Variants in KCNA6 observed in about 807,000 individuals in gnomAD.
KCNA6 encodes the protein potassium voltage-gated channel subfamily A member 6.
Under a neutral mutation model 29.5 loss-of-function variants are expected in KCNA6, and 17 were observed. The ratio of observed to expected loss-of-function variants is 0.58; its 90% CI spans 0.39 to 0.86. KCNA6 has a LOEUF of 0.86. Among genes scored for constraint, KCNA6 ranks in the 40% least tolerant of loss-of-function variants. The pLI, the probability that KCNA6 is intolerant of heterozygous loss-of-function variation, is 0.00. For synonymous variants in KCNA6, 296 were observed against 304.7 expected, an observed-to-expected ratio of 0.97 and a Z score of 0.30; for missense variants, 450 against 703.4, an observed-to-expected ratio of 0.64 and a Z score of 4.07.
At chr12:4,821,343 C>T in the KCNA6 span, among the ~76,000 whole-genome samples, 1 of 152,180 alleles carries the variant, frequency 6.6e-6, no homozygotes, top group Non-Finnish European at 1.5e-5. Context: ...GGATCGCGTT[C>T]ACCCAGGAGA....
rs771451383 is a variant in KCNA6, at chr12:4,810,099, G to A, written c.58G>A (p.Gly20Arg). The A allele has an allele frequency of 3.8e-6, 6 of 1,571,982 alleles. No individual in the cohort carries two copies. In the African/African-American group the frequency reaches 6.7e-5, roughly 18 times the overall value. ...GCCGGGGGAGGTCCGTGGGCCGGAGGGAGAGCAACAGGATGCGGGAGACTT... is the reference window on the plus strand; with the variant it reads ...GCCGGGGGAGGTCCGTGGGCCGGAGAGAGAGCAACAGGATGCGGGAGACTT... The change falls in exon 1 of 1, where the codon GGA becomes AGA. Residue 20 changes from glycine to arginine, a missense_variant. Around this residue, in one of 7 missense-constraint regions of KCNA6, gnomAD observed 72 missense variants for 64.2 expected, o/e 1.12. Transcript: ENST00000280684. This position sits in a 1 kb window ranked among gnomAD's most constrained non-coding sequence, Gnocchi z 7.5.
chr12:4,842,108 C>T, the KCNA6 span, among the ~76,000 whole-genome samples: 1 of 149,186 alleles, frequency 6.7e-6, no homozygotes, highest in Admixed American at 6.8e-5. Flanking sequence ...ATCCATTAAG[C>T]CCAAATGTAA....
At chr12:4,815,207 C>A (rs1190290431), downstream of KCNA6, among the ~76,000 whole-genome samples, 5 of 152,116 alleles carry the variant, frequency 3.3e-5, no homozygotes, top group South Asian at 4.1e-4. Flanking sequence ...GCTGGGAGCA[C>A]CTAGAGTGTT....
chr12:4,814,152 C>T (rs920237793), downstream of KCNA6: 2 of 167,092 alleles, frequency 1.2e-5, no homozygotes, highest in African/African-American at 4.8e-5. The surrounding 1 kb of genome is among the most constrained non-coding windows in gnomAD (Gnocchi z 4.6). Flanking sequence ...ACTTTTCTTC[C>T]TAGTTTCCCC....
the KCNA6 span, among the ~76,000 whole-genome samples, chr12:4,828,323 G>A: frequency 3.9e-4 from 60 of 152,322 alleles, no homozygotes; most frequent in African/African-American, 1.3e-3. Flanking sequence ...TTCATATTAT[G>A]TCTCTAGTTT....
At chr12:4,826,071 T>C in the KCNA6 span, among the ~76,000 whole-genome samples, 5 of 152,230 alleles carry the variant, frequency 3.3e-5, no homozygotes, top group African/African-American at 1.2e-4. Context: ...GTTTTCTCAG[T>C]ATTCTTTTCC....
the KCNA6 span, chr12:4,851,016 G>T: frequency 1.0e-5 from 3 of 299,762 alleles, no homozygotes; most frequent in East Asian, 1.6e-4. Flanking sequence ...CTATGGGGTG[G>T]TCAGGGGATT....
chr12:4,850,649 T>G, the KCNA6 span: 3 of 348,382 alleles, frequency 8.6e-6, no homozygotes, highest in South Asian at 6.7e-5. The surrounding 1 kb of genome is among the most constrained non-coding windows in gnomAD (Gnocchi z 5.4). Flanking sequence ...AGGACACTGG[T>G]GTGTCCAGGT....
At chr12:4,821,416 GGA>G in the KCNA6 span, among the ~76,000 whole-genome samples, 5 of 137,672 alleles carry the variant, frequency 3.6e-5, no homozygotes, top group Admixed American at 7.6e-5. Context: ...CTACTCACTT[GGA>G]TGTGTGTGTG....
At chr12:4,837,585 A>G in the KCNA6 span, among the ~76,000 whole-genome samples, 2 of 152,102 alleles carry the variant, frequency 1.3e-5, no homozygotes, top group African/African-American at 4.8e-5. Flanking sequence ...AATTGCTTGC[A>G]TGTTGGTGGG....
chr12:4,835,317 G>A, the KCNA6 span, among the ~76,000 whole-genome samples: 95 of 152,092 alleles, frequency 6.2e-4, no homozygotes, highest in Admixed American at 2.4e-3. Context: ...TGTATTTTTA[G>A]TAGAGACGGG....
Position 4,811,601 on chromosome 12 carries a change from T to G in KCNA6, c.1560T>G (p.Tyr520Ter). The G allele has an allele frequency of 1.2e-6, 2 of 1,614,084 alleles. No individual in the cohort carries two copies. Among genetic ancestry groups the G allele is most frequent in the South Asian group, 2.2e-5 (2 of 91,076 alleles). Residue 520 changes from tyrosine to a stop codon, truncating the protein, a stop_gained, in exon 1 of 1, where the codon TAT (tyrosine) becomes TAG (stop). Coordinates refer to ENST00000280684, the Ensembl canonical transcript of KCNA6. LOFTEE classifies it high-confidence loss of function. The surrounding 1 kb of genome is among the most constrained non-coding windows in gnomAD (Gnocchi z 7.1). ...ACCTTCCTACACCACATCGGGCCTA[T>G]GCAGAGAAAAGAATGCTCACGGAGG...
At chr12:4,815,363 C>T (rs1349667051), downstream of KCNA6, among the ~76,000 whole-genome samples, 3 of 152,132 alleles carry the variant, frequency 2.0e-5, no homozygotes, top group Non-Finnish European at 4.4e-5. Flanking sequence ...CTGAACCTGC[C>T]AAGCAAGATG....
At chr12:4,827,116 CCTT>C in the KCNA6 span, among the ~76,000 whole-genome samples, 1 of 148,362 alleles carries the variant, frequency 6.7e-6, no homozygotes, top group Non-Finnish European at 1.5e-5. Context: ...CCTCCTTCCT[CCTT>C]CTTTCCTTCT....
downstream of KCNA6, among the ~76,000 whole-genome samples, chr12:4,817,859 T>A (rs1946696538): frequency 6.6e-6 from 1 of 152,154 alleles, no homozygotes; most frequent in Non-Finnish European, 1.5e-5. Flanking sequence ...GGAAAACATT[T>A]TGGAATCTTA....
In KCNA6 at chr12:4,811,890, A is replaced by G. The variant is rs779843405; in HGVS notation, c.*259A>G. 3 of 507,166 alleles carry G rather than the reference A, an allele frequency of 5.9e-6. No homozygotes were observed. The highest frequency in any genetic ancestry group is 1.1e-5 in the Non-Finnish European group (3 of 276,716). The allele number at this position is 507,166 out of a possible 1,614,324, so 31.4% of individuals were successfully genotyped here. ...ATCATGCCCAGCTTCTGTCATATGA[A>G]TGAGATATACATTTATGTCTGACCT... On this transcript the variant is annotated 3_prime_UTR_variant, in exon 1 of 1. Coordinates refer to ENST00000280684, the Ensembl canonical transcript of KCNA6. This position sits in a 1 kb window ranked among gnomAD's most constrained non-coding sequence, Gnocchi z 7.1.
the KCNA6 span, among the ~76,000 whole-genome samples, chr12:4,849,534 A>G: frequency 9.6e-6 from 1 of 104,448 alleles, no homozygotes; most frequent in Non-Finnish European, 1.8e-5. Context: ...TGCAAGAGCT[A>G]TTGCACCCTG....
the KCNA6 span, among the ~76,000 whole-genome samples, chr12:4,841,763 G>A: frequency 6.6e-6 from 1 of 152,126 alleles, no homozygotes; most frequent in Non-Finnish European, 1.5e-5. Flanking sequence ...AATATAGAGA[G>A]GAGAGAGGGA....
the KCNA6 span, among the ~76,000 whole-genome samples, chr12:4,841,734 T>C: frequency 6.6e-6 from 1 of 152,074 alleles, no homozygotes; most frequent in Non-Finnish European, 1.5e-5. Context: ...AAATTTTATA[T>C]CTAAAAATGG....
Sources: allele counts gnomAD v4.1 joint callset (sites outside exome capture counted in the v4.1 genomes callset), GRCh38; gene constraint gnomAD v4.1.1; regional missense constraint gnomAD v4.1.1; non-coding constraint Gnocchi (gnomAD v3.1); transcripts MANE v1.5; gene names NCBI Gene and HGNC (gene_info 2026-07-23, HGNC 2026-07-21).